ZFPM2: variants seen among roughly 807,000 people sequenced by gnomAD.
ZFPM2 encodes the protein zinc finger protein ZFPM2.
ZFPM2 carries 20 observed loss-of-function variants against 98.6 expected under a neutral mutation model. That is an observed-to-expected ratio of 0.20 (90% CI 0.14 to 0.29). The LOEUF (loss-of-function observed/expected upper bound fraction) is 0.29, where lower values mean the gene tolerates loss of function less well. Ranked by LOEUF, ZFPM2 falls within the 10% of genes least tolerant of loss-of-function variation. ZFPM2 has a pLI of 1.00. For missense variants in ZFPM2, 1,310 were observed against 1,388.6 expected (o/e 0.94, Z 0.90); for synonymous variants, 518 against 502.7 (o/e 1.03, Z -0.41).
intron 5 of ZFPM2, among the ~76,000 whole-genome samples, chr8:105,715,669 CTTTTTCACCAAAG>C: frequency 6.6e-6 from 1 of 152,040 alleles, no homozygotes; most frequent in South Asian, 2.1e-4. Flanking sequence ...GATTAACTGG[CTTTTTCACCAAAG>C]TATAGCCAGT....
intron 3 of ZFPM2, among the ~76,000 whole-genome samples, chr8:105,556,364 C>G (rs1311590068): frequency 6.6e-6 from 1 of 152,158 alleles, no homozygotes; most frequent in Admixed American, 6.5e-5. Flanking sequence ...TGGACATGCT[C>G]TTAGAATTCT....
intron 1 of ZFPM2, among the ~76,000 whole-genome samples, chr8:105,381,283 CT>C (rs1200089926): frequency 8.6e-5 from 13 of 151,744 alleles, no homozygotes; most frequent in Non-Finnish European, 1.6e-4. Flanking sequence ...TGAACTCATC[CT>C]TTTTTCTGGC....
At chr8:105,496,974 C>A (rs552488814) in intron 3 of ZFPM2, among the ~76,000 whole-genome samples, 21 of 109,690 alleles carry the variant, frequency 1.9e-4, no homozygotes, top group Non-Finnish European at 3.5e-4. Flanking sequence ...AAGAGTGAAA[C>A]TCCGTCTCAA....
At chr8:105,373,565 A>G (rs1007244015) in intron 1 of ZFPM2, among the ~76,000 whole-genome samples, 5 of 152,216 alleles carry the variant, frequency 3.3e-5, no homozygotes, top group African/African-American at 1.2e-4. Context: ...GAAATCTCAC[A>G]TGAATAAACA....
intron 5 of ZFPM2, among the ~76,000 whole-genome samples, chr8:105,638,179 A>G (rs952028381): frequency 6.6e-6 from 1 of 152,042 alleles, no homozygotes; most frequent in Non-Finnish European, 1.5e-5. Context: ...TTCGGTGAAA[A>G]GAGAGCTTTT....
intron 1 of ZFPM2, among the ~76,000 whole-genome samples, chr8:105,349,161 C>T (rs1176535754): frequency 1.7e-5 from 2 of 117,720 alleles, no homozygotes; most frequent in East Asian, 2.2e-4. Flanking sequence ...TGATTAGGTT[C>T]TGGATTTTTT....
chr8:105,454,160 C>G (rs1812541898), intron 3 of ZFPM2, among the ~76,000 whole-genome samples: 1 of 151,892 alleles, frequency 6.6e-6, no homozygotes, highest in South Asian at 2.1e-4. Context: ...AGAGCAGTCT[C>G]TCTCCCCCTA....
At chr8:105,611,719 A>G (rs1248401268) in intron 4 of ZFPM2, among the ~76,000 whole-genome samples, 2 of 147,542 alleles carry the variant, frequency 1.4e-5, no homozygotes, top group Non-Finnish European at 1.5e-5. Flanking sequence ...TTTTTTTGAG[A>G]TGGAGTTTTG....
At chr8:105,414,270 T>C (rs1295194378) in intron 1 of ZFPM2, among the ~76,000 whole-genome samples, 1 of 152,028 alleles carries the variant, frequency 6.6e-6, no homozygotes, top group Admixed American at 6.6e-5. Context: ...ATCAGAACCA[T>C]AGAAGTTGGC....
chr8:105,449,251 C>T (rs1370246320), intron 3 of ZFPM2, among the ~76,000 whole-genome samples: 2 of 151,930 alleles, frequency 1.3e-5, no homozygotes, highest in Non-Finnish European at 2.9e-5. Flanking sequence ...TTGAAACTTC[C>T]AGGAGCTCTA....
At position 105,619,225 on chromosome 8, in the gene ZFPM2, T is replaced by G. The variant is rs1448332149; in HGVS notation, c.421-15021T>G. Among the ~76,000 whole-genome samples, 10 of 152,308 alleles carry G rather than the reference T, an allele frequency of 6.6e-5. No individual in the cohort carries two copies. In the East Asian group the frequency reaches 1.3e-3, roughly 21 times the overall value. The stretch of plus-strand genomic sequence containing the variant: ...CCGCTTCTTATCTATTACTATGTTG[T>G]TGTTTGGTCATGGACCATCAAATAT... On this transcript the variant is annotated intron_variant, in intron 4 of 7. Coordinates refer to ENST00000407775, the MANE Select transcript of ZFPM2 (RefSeq NM_012082.4).
At chr8:105,456,433 A>G (rs1812594601) in intron 3 of ZFPM2, among the ~76,000 whole-genome samples, 1 of 152,052 alleles carries the variant, frequency 6.6e-6, no homozygotes, top group South Asian at 2.1e-4. Flanking sequence ...AATATGTAAA[A>G]TAAATTTTCT....
chr8:105,374,006 G>T (rs1436477378), intron 1 of ZFPM2, among the ~76,000 whole-genome samples: 5 of 152,152 alleles, frequency 3.3e-5, no homozygotes, highest in Non-Finnish European at 5.9e-5. Context: ...AAAATAAAAG[G>T]TTGTTCAAGT....
intron 1 of ZFPM2, among the ~76,000 whole-genome samples, chr8:105,408,775 G>C (rs1427595760): frequency 2.0e-5 from 3 of 151,766 alleles, no homozygotes; most frequent in African/African-American, 7.3e-5. Context: ...AAACCCACAA[G>C]GAGGGCCAAA....
intron 4 of ZFPM2, among the ~76,000 whole-genome samples, chr8:105,586,386 G>T (rs895609371): frequency 6.6e-6 from 1 of 151,486 alleles, no homozygotes; most frequent in Non-Finnish European, 1.5e-5. Flanking sequence ...AGAAGTACAC[G>T]CAACCGAGTT....
At chr8:105,371,725 A>G (rs560171262) in intron 1 of ZFPM2, among the ~76,000 whole-genome samples, 14 of 152,284 alleles carry the variant, frequency 9.2e-5, no homozygotes, top group African/African-American at 3.4e-4. Flanking sequence ...AGGTGATACC[A>G]CCTTATATAA....
At chr8:105,537,126 T>G (rs1814469189) in intron 3 of ZFPM2, among the ~76,000 whole-genome samples, 1 of 152,202 alleles carries the variant, frequency 6.6e-6, no homozygotes, top group South Asian at 2.1e-4. Flanking sequence ...GAGTCTCATT[T>G]TTTAAGACTA....
At chr8:105,368,229 T>TGCTG (rs1363523055) in intron 1 of ZFPM2, among the ~76,000 whole-genome samples, 18 of 150,810 alleles carry the variant, frequency 1.2e-4, no homozygotes, top group African/African-American at 4.4e-4. Context: ...ATCAGAATGA[T>TGCTG]GCTGGCCTCA....
chr8:105,449,317 C>A (rs1163582575), intron 3 of ZFPM2, among the ~76,000 whole-genome samples: 1 of 151,994 alleles, frequency 6.6e-6, no homozygotes, highest in African/African-American at 2.4e-5. Context: ...TACCCACCCC[C>A]ACAATAACAT....
Sources: allele counts gnomAD v4.1 joint callset (sites outside exome capture counted in the v4.1 genomes callset), GRCh38; gene constraint gnomAD v4.1.1; transcripts MANE v1.5; gene names NCBI Gene and HGNC (gene_info 2026-07-23, HGNC 2026-07-21).